HDAC9: variants seen among roughly 807,000 people sequenced by gnomAD.
HDAC9 encodes MEF-2 interacting transcription repressor (MITR) protein.
A neutral mutation model predicts 139.4 loss-of-function variants in HDAC9; 41 were observed. The ratio of observed to expected loss-of-function variants is 0.29; its 90% CI spans 0.23 to 0.38. The LOEUF (loss-of-function observed/expected upper bound fraction) is 0.38, where lower values mean the gene tolerates loss of function less well. Among genes scored for constraint, HDAC9 ranks in the 10% least tolerant of loss-of-function variants. The probability of loss-of-function intolerance (pLI) is 1.00; values close to 1 mark genes in which losing one functional copy is unlikely to be tolerated. For synonymous variants in HDAC9, 517 were observed against 476.2 expected (o/e 1.09, Z -1.12); for missense variants, 1,147 against 1,297.0 (o/e 0.88, Z 1.78).
chr7:18,426,795 A>G (rs534943850), intron 1 of HDAC9, among the ~76,000 whole-genome samples: 1 of 152,322 alleles, frequency 6.6e-6, no homozygotes, highest in African/African-American at 2.4e-5. Context: ...TTCCCTAGCA[A>G]GGGAAACAGG....
intron 2 of HDAC9, among the ~76,000 whole-genome samples, chr7:18,271,515 G>A (rs553009797): frequency 2.4e-4 from 37 of 152,292 alleles, no homozygotes; most frequent in African/African-American, 7.2e-4. Flanking sequence ...TCTGGTACCA[G>A]TTTCCCCCTT....
chr7:18,872,345 G>T (rs1798985651), intron 21 of HDAC9, among the ~76,000 whole-genome samples: 1 of 152,128 alleles, frequency 6.6e-6, no homozygotes, highest in South Asian at 2.1e-4. Context: ...TAGCAAATGT[G>T]CAATTTGCTT....
At chr7:18,978,749 G>C (rs904381503) in intron 25 of HDAC9, among the ~76,000 whole-genome samples, 17 of 152,270 alleles carry the variant, frequency 1.1e-4, no homozygotes, top group Non-Finnish European at 2.1e-4. Context: ...TGCATTTGTT[G>C]ACTATCTGTT....
chr7:18,719,548 C>T (rs997256945), intron 12 of HDAC9, among the ~76,000 whole-genome samples: 2 of 152,060 alleles, frequency 1.3e-5, no homozygotes, highest in Non-Finnish European at 2.9e-5. Flanking sequence ...CCACGTTGGC[C>T]AGGCTTGTCT....
intron 1 of HDAC9, among the ~76,000 whole-genome samples, chr7:18,096,648 A>G (rs1213681393): frequency 6.6e-6 from 1 of 152,212 alleles, no homozygotes; most frequent in African/African-American, 2.4e-5. Flanking sequence ...GTGAGACTAT[A>G]TGCTTACTGT....
Position 18,745,432 on chromosome 7 carries a change from T to C in HDAC9, c.1910-3573T>C, listed in dbSNP as rs187850580. On this transcript the variant is annotated intron_variant, in intron 13 of 25. Coordinates refer to ENST00000686413, the MANE Select transcript of HDAC9 (RefSeq NM_178425.4). ...TTGGCAGTGGATTATGGGGAAAATG[T>C]CATTAAAAGGGGGAAACATTACTAC... 3.0e-3 allele frequency among the ~76,000 whole-genome samples: 456 copies of C among 152,164 alleles called. 2 individuals carry two copies. The highest frequency in any genetic ancestry group is 0.011 in the African/African-American group (442 of 41,498).
intron 1 of HDAC9, among the ~76,000 whole-genome samples, chr7:18,448,398 G>A (rs561271373): frequency 8.5e-5 from 13 of 152,058 alleles, no homozygotes; most frequent in African/African-American, 2.9e-4. Flanking sequence ...ATGCAAGAAA[G>A]CATTAAAAGA....
chr7:18,955,728 C>A (rs903536839), intron 24 of HDAC9, among the ~76,000 whole-genome samples: 6 of 152,070 alleles, frequency 3.9e-5, no homozygotes, highest in South Asian at 2.1e-4. Context: ...AGGTCATAGA[C>A]AAGGGGCGGT....
chr7:18,975,682 T>G, intron 24 of HDAC9, 124 bp from the exon 25 acceptor site: 8 of 897,412 alleles, frequency 8.9e-6, no homozygotes, highest in Non-Finnish European at 1.4e-5. Flanking sequence ...GAAACCAAAT[T>G]ACAACTGTGT....
At chr7:18,662,184 G>A (rs1292338962) in intron 11 of HDAC9, among the ~76,000 whole-genome samples, 2 of 152,018 alleles carry the variant, frequency 1.3e-5, no homozygotes, top group African/African-American at 2.4e-5. Flanking sequence ...TATGATTTTT[G>A]TGTTATTTCC....
In HDAC9 at chr7:18,198,521, T is replaced by C. The variant is rs57609177; in HGVS notation, c.25+36172T>C. Among the ~76,000 whole-genome samples the C allele has an allele frequency of 2.8e-3, 431 of 152,282 alleles. 1 individual carries two copies. Among genetic ancestry groups the C allele is most frequent in the African/African-American group, 9.5e-3 (396 of 41,586 alleles). ...CAAAATTCTCTTGCATCTCCTCATA[T>C]GTTTCTAGATATGTTAACATCATAC... On this transcript the variant is annotated intron_variant, in intron 2 of 12. Coordinates refer to the HDAC9 transcript ENST00000417496.
chr7:18,532,172 C>A (rs1026341286), intron 2 of HDAC9, among the ~76,000 whole-genome samples: 6 of 152,120 alleles, frequency 3.9e-5, no homozygotes, highest in Non-Finnish European at 5.9e-5. Context: ...ATTGCTTGAA[C>A]CTGGGAGGTG....
Position 18,838,613 on chromosome 7 carries a change from A to G in HDAC9, c.2684+2616A>G, listed in dbSNP as rs914146041. On this transcript the variant is annotated intron_variant, in intron 21 of 25. Transcript: ENST00000686413. ...CCTTTGTCAATTTGGGCTTAGTCAG[A>G]TAGACTGCCAAATAATTTTTAATGT... Among the ~76,000 whole-genome samples the G allele has an allele frequency of 2.6e-5, 4 of 152,064 alleles. No homozygotes were observed. The East Asian group carries it at 7.7e-4, about 29-fold the overall frequency.
intron 1 of HDAC9, among the ~76,000 whole-genome samples, chr7:18,096,981 A>G (rs1031449576): frequency 4.6e-5 from 7 of 151,846 alleles, no homozygotes; most frequent in Admixed American, 3.3e-4. Context: ...AGTTGTATAG[A>G]TTAGTGCTGT....
chr7:18,579,634 G>A (rs763133999), intron 2 of HDAC9, among the ~76,000 whole-genome samples: 1 of 152,168 alleles, frequency 6.6e-6, no homozygotes, highest in Non-Finnish European at 1.5e-5. Flanking sequence ...AAATGGCTCT[G>A]GGCAGCATTG....
intron 17 of HDAC9, among the ~76,000 whole-genome samples, chr7:18,825,150 G>C (rs905674629): frequency 6.6e-6 from 1 of 152,200 alleles, no homozygotes; most frequent in Non-Finnish European, 1.5e-5. Context: ...TATATATTGG[G>C]CTGGTTCCCA....
At chr7:18,249,758 A>T (rs1794803006) in intron 2 of HDAC9, among the ~76,000 whole-genome samples, 1 of 152,108 alleles carries the variant, frequency 6.6e-6, no homozygotes. Context: ...AATGTCTTTA[A>T]CATTTCTTAT....
intron 2 of HDAC9, among the ~76,000 whole-genome samples, chr7:18,190,710 C>CT (rs1790289653): frequency 1.3e-5 from 2 of 152,194 alleles, no homozygotes; most frequent in African/African-American, 4.8e-5. Context: ...TTGCTTTTCT[C>CT]TTTTTATTTT....
chr7:18,525,777 G>GTA (rs758286612), intron 2 of HDAC9, among the ~76,000 whole-genome samples: 2 of 152,174 alleles, frequency 1.3e-5, no homozygotes. Flanking sequence ...ATAGGATGCT[G>GTA]TATATCTGTT....
Sources: allele counts gnomAD v4.1 joint callset (sites outside exome capture counted in the v4.1 genomes callset), GRCh38; gene constraint gnomAD v4.1.1; transcripts MANE v1.5; gene names NCBI Gene and HGNC (gene_info 2026-07-23, HGNC 2026-07-21).